Variants in EFCAB5 observed in about 807,000 individuals in gnomAD.
EFCAB5 encodes the protein EF-hand calcium-binding domain-containing protein 5.
EFCAB5 carries 131 observed loss-of-function variants against 167.9 expected under a neutral mutation model. The ratio of observed to expected loss-of-function variants is 0.78; its 90% CI spans 0.68 to 0.90. EFCAB5 has a LOEUF of 0.90. Ranked by LOEUF, EFCAB5 falls within the 40% of genes least tolerant of loss-of-function variation. The pLI is 0.00. For synonymous variants in EFCAB5, 574 were observed against 602.8 expected (o/e 0.95, Z 0.70); for missense variants, 1,663 against 1,745.2 (o/e 0.95, Z 0.84).
intron 8 of EFCAB5, among the ~76,000 whole-genome samples, chr17:30,037,462 CT>C (rs2069657493): frequency 6.6e-6 from 1 of 152,324 alleles, no homozygotes; most frequent in East Asian, 1.9e-4. Context: ...GAGCTAGACT[CT>C]CCTTTCTCTG....
At chr17:30,033,431 TTCTC>T (rs1161633165) in intron 7 of EFCAB5, among the ~76,000 whole-genome samples, 1 of 152,204 alleles carries the variant, frequency 6.6e-6, no homozygotes, top group Non-Finnish European at 1.5e-5. Context: ...GCTTGATCAC[TTCTC>T]TCTATCACAG....
At chr17:30,062,346 C>T (rs1474592954) in intron 14 of EFCAB5, among the ~76,000 whole-genome samples, 1 of 152,206 alleles carries the variant, frequency 6.6e-6, no homozygotes, top group East Asian at 1.9e-4. Context: ...GCCAGGTCTC[C>T]ACTACCCCAT....
At chr17:29,975,515 C>A (rs1354258597) in intron 4 of EFCAB5, among the ~76,000 whole-genome samples, 3 of 152,178 alleles carry the variant, frequency 2.0e-5, no homozygotes, top group Admixed American at 2.0e-4. Flanking sequence ...CCTCGGCCTC[C>A]CAAAGTGCTG....
chr17:30,046,719 C>T (rs1473438334), intron 8 of EFCAB5, among the ~76,000 whole-genome samples: 1 of 152,178 alleles, frequency 6.6e-6, no homozygotes, highest in Non-Finnish European at 1.5e-5. Flanking sequence ...GGAGAAGCAA[C>T]CCCTTCTCTC....
chr17:30,088,010 G>A (rs900233725), intron 19 of EFCAB5, among the ~76,000 whole-genome samples: 1 of 152,080 alleles, frequency 6.6e-6, no homozygotes, highest in Non-Finnish European at 1.5e-5. Flanking sequence ...TGTCTCATTG[G>A]GGTTTTGATT....
intron 7 of EFCAB5, among the ~76,000 whole-genome samples, chr17:30,005,673 G>A (rs1464974112): frequency 6.6e-6 from 1 of 152,128 alleles, no homozygotes; most frequent in African/African-American, 2.4e-5. Context: ...TGACAAGAAG[G>A]GAGGTCAGGC....
chr17:29,993,490 G>T (rs1343382738), intron 5 of EFCAB5, among the ~76,000 whole-genome samples, 169 bp downstream of exon 5: 1 of 149,126 alleles, frequency 6.7e-6, no homozygotes, highest in Non-Finnish European at 1.5e-5. Flanking sequence ...TTTCTTTTGA[G>T]CATTACCAAA....
chr17:29,956,602 A>G (rs1446390053), intron 3 of EFCAB5, among the ~76,000 whole-genome samples: 1 of 152,232 alleles, frequency 6.6e-6, no homozygotes, highest in Non-Finnish European at 1.5e-5. Flanking sequence ...CTATGTATGG[A>G]GAAACCTTTA....
At chr17:29,972,104 C>G (rs1649175213) in intron 4 of EFCAB5, among the ~76,000 whole-genome samples, 1 of 151,480 alleles carries the variant, frequency 6.6e-6, no homozygotes. Context: ...GTGGCGTGAT[C>G]TCGGCTCACT....
At position 30,053,476 on chromosome 17, in the gene EFCAB5, C is replaced by T. The variant is rs1329869899; in HGVS notation, c.1522C>T (p.Gln508Ter). ...AACACCATCACCAAACCCGCCAGAA[C>T]AGCAGAGAGGAGTAACTGCAGAACA... ...TSTPSPNPPE[Q>*]QRGVTAEQGP... Residue 508 changes from glutamine (Q) to a stop codon, truncating the protein, a stop_gained, in exon 10 of 23, where the codon CAG becomes TAG. Transcript: ENST00000394835. LOFTEE classifies it high-confidence loss of function. The T allele has an allele frequency of 6.2e-7, 1 of 1,613,966 alleles. No individual in the cohort carries two copies. Among genetic ancestry groups the T allele is most frequent in the Non-Finnish European group, 8.5e-7 (1 of 1,179,886 alleles).
chr17:29,979,250 G>T (rs572169786), intron 4 of EFCAB5, among the ~76,000 whole-genome samples: 7 of 152,044 alleles, frequency 4.6e-5, no homozygotes, highest in Non-Finnish European at 1.0e-4. Context: ...CTCGAGAGTG[G>T]GAGAATTGCT....
chr17:29,984,485 C>T (rs563111688), intron 4 of EFCAB5, among the ~76,000 whole-genome samples: 101 of 151,982 alleles, frequency 6.6e-4, no homozygotes, highest in African/African-American at 2.0e-3. Context: ...TTTGGGAGGC[C>T]GAGGTGAGCG....
chr17:29,954,086 A>G (rs768456469), intron 3 of EFCAB5, among the ~76,000 whole-genome samples: 2 of 152,212 alleles, frequency 1.3e-5, no homozygotes, highest in African/African-American at 2.4e-5. Context: ...AGCAGAGCAT[A>G]AAAGTTTGAA....
At chr17:30,011,748 G>A (rs2068907046) in intron 7 of EFCAB5, among the ~76,000 whole-genome samples, 1 of 152,180 alleles carries the variant, frequency 6.6e-6, no homozygotes, top group African/African-American at 2.4e-5. Flanking sequence ...CGTGTCATCT[G>A]CAAACAGGGA....
chr17:30,072,950 A>G, intron 14 of EFCAB5: 1 of 465,064 alleles, frequency 2.2e-6, no homozygotes, highest in South Asian at 4.2e-5. Flanking sequence ...GTTATATTCC[A>G]ATATTATCAC....
At chr17:29,956,921 T>G (rs1051154462) in intron 3 of EFCAB5, among the ~76,000 whole-genome samples, 41 of 152,158 alleles carry the variant, frequency 2.7e-4, no homozygotes, top group Admixed American at 2.6e-3. Flanking sequence ...CTTCTTTCTT[T>G]CCATTTTGGA....
intron 14 of EFCAB5, chr17:30,073,079 C>T (rs1265625449): frequency 1.5e-6 from 1 of 646,282 alleles, no homozygotes; most frequent in African/African-American, 1.9e-5. Flanking sequence ...TTTTTTGAGA[C>T]CAGGTCTCAC....
intron 19 of EFCAB5, among the ~76,000 whole-genome samples, chr17:30,090,091 T>C (rs1037272388): frequency 2.0e-5 from 3 of 152,130 alleles, no homozygotes; most frequent in Non-Finnish European, 4.4e-5. Context: ...CAAAGCATAA[T>C]GGACAATAGG....
intron 8 of EFCAB5, among the ~76,000 whole-genome samples, chr17:30,050,253 G>C (rs1401843663): frequency 1.3e-5 from 2 of 151,782 alleles, no homozygotes; most frequent in African/African-American, 4.8e-5. Context: ...TCCTGCCTCA[G>C]CCTCCCGAGT....
Sources: allele counts gnomAD v4.1 joint callset (sites outside exome capture counted in the v4.1 genomes callset), GRCh38; gene constraint gnomAD v4.1.1; transcripts MANE v1.5; gene names NCBI Gene and HGNC (gene_info 2026-07-23, HGNC 2026-07-21).